Variants in NUDCD1 observed in about 807,000 individuals in gnomAD.
NUDCD1 encodes the protein nudC domain-containing protein 1.
In NUDCD1, 60 loss-of-function variants were observed where a neutral mutation model predicts 67.8. The ratio of observed to expected loss-of-function variants is 0.88; its 90% confidence interval spans 0.72 to 1.10. The LOEUF is 1.10. Ranked by LOEUF, NUDCD1 falls within the 50% of genes least tolerant of loss-of-function variation. NUDCD1 has a pLI of 0.00. For missense variants in NUDCD1, 643 were observed against 695.0 expected (o/e 0.93, Z 0.84); for synonymous variants, 244 against 230.8 (o/e 1.06, Z -0.52).
At chr8:109,299,261 A>G (rs542029098) in intron 2 of NUDCD1, among the ~76,000 whole-genome samples, 12 of 152,302 alleles carry the variant, frequency 7.9e-5, no homozygotes, top group South Asian at 6.2e-4. Context: ...CCCAGAACTC[A>G]GGGAAGGGTG....
intron 1 of NUDCD1, among the ~76,000 whole-genome samples, chr8:109,326,551 T>C (rs1815686709): frequency 6.6e-6 from 1 of 152,182 alleles, no homozygotes; most frequent in Non-Finnish European, 1.5e-5. Flanking sequence ...GAAGAAGAAC[T>C]TTTTACAGAG....
Position 109,245,436 on chromosome 8 carries a change from G to A in NUDCD1, c.1345C>T (p.Pro449Ser). ...NQYLFSVIVD[P>S]KEMPCFCLRH... ...AAACAGAAGCAGGGCATTTCTTTAG[G>A]ATCCACTATGACAGAGAAAAGGTAC... Residue 449 changes from proline (P) to serine (S), a missense_variant, in exon 9 of 10, where the codon CCT (proline) becomes TCT (serine). Pro to Ser is a moderately conservative substitution (Grantham distance 74). Transcript: ENST00000239690. 2.5e-6 allele frequency: 4 copies of A among 1,613,542 alleles called. No individual in the cohort carries two copies. Among genetic ancestry groups the A allele is most frequent in the Non-Finnish European group, 3.4e-6 (4 of 1,179,770 alleles).
chr8:109,325,836 T>C (rs1222890611), intron 1 of NUDCD1, among the ~76,000 whole-genome samples: 3 of 152,270 alleles, frequency 2.0e-5, no homozygotes, highest in East Asian at 3.9e-4. Flanking sequence ...GGAAAACAAA[T>C]TGGAATAAAG....
At chr8:109,292,391 T>G (rs562721309) in intron 4 of NUDCD1, among the ~76,000 whole-genome samples, 1 of 150,752 alleles carries the variant, frequency 6.6e-6, no homozygotes, top group Admixed American at 6.7e-5. Context: ...AGGAGACTTA[T>G]TCAGTTTATT....
In NUDCD1 at chr8:109,289,881, C is replaced by T; in HGVS notation, c.693G>A (p.Val231=). ...IKRDILRGKS[V]PHYAAIEPDG... ...CAGGCTCAATAGCAGCATAATGTGG[C>T]ACTGACTTTCCACGGAGAATATCAC... The change falls in exon 5 of 10, where the codon GTG becomes GTA. Residue 231 remains valine (V), a synonymous_variant. Coordinates refer to ENST00000239690, the MANE Select transcript of NUDCD1 (RefSeq NM_032869.4). 1.9e-6 allele frequency: 3 copies of T among 1,539,116 alleles called. No homozygotes were observed. Among genetic ancestry groups the T allele is most frequent in the South Asian group, 1.3e-5 (1 of 78,624 alleles).
At chr8:109,297,176 C>T (rs1021020233) in intron 2 of NUDCD1, among the ~76,000 whole-genome samples, 1 of 152,186 alleles carries the variant, frequency 6.6e-6, no homozygotes, top group African/African-American at 2.4e-5. Context: ...AGTTTTCATT[C>T]TCTTAATTTT....
At chr8:109,249,660 A>C (rs1813577740) in intron 8 of NUDCD1, among the ~76,000 whole-genome samples, 1 of 152,164 alleles carries the variant, frequency 6.6e-6, no homozygotes, top group Non-Finnish European at 1.5e-5. Context: ...TCTGCCCCTG[A>C]AAAGGGACAA....
rs144622279 is a variant in NUDCD1 at position 109,261,713 on chromosome 8, C to T, written c.1299+9292G>A. 5.6e-4 allele frequency among the ~76,000 whole-genome samples: 85 copies of T among 152,066 alleles called. 1 individual carries two copies. Among genetic ancestry groups the T allele is most frequent in the Middle Eastern group, 3.4e-3 (1 of 294 alleles). ...TTGATTCATTGTTTATTTTCATTTA[C>T]ATTAATGCTATTTAAACAATATATA... On this transcript the variant is annotated intron_variant, in intron 8 of 9. Transcript: ENST00000239690.
At chr8:109,328,342 G>C (rs1415283893) in intron 1 of NUDCD1, among the ~76,000 whole-genome samples, 1 of 152,140 alleles carries the variant, frequency 6.6e-6, no homozygotes, top group Admixed American at 6.5e-5. Flanking sequence ...AAAGGCCAGA[G>C]TACTTGTATG....
At position 109,275,601 on chromosome 8, in the gene NUDCD1, C is replaced by T. The variant is rs184865514; in HGVS notation, c.1029-105G>A. ...TCTATCTTCTATAGAAAGAACCCTC[C>T]GGTGTCCAGAGGATGGTTTACCAAA... On this transcript the variant is annotated intron_variant, in intron 6 of 9. Transcript: ENST00000239690. 2,062 of 1,076,312 alleles carry T rather than the reference C, an allele frequency of 1.9e-3. 15 individuals carry two copies. The highest frequency in any genetic ancestry group is 3.8e-3 in the South Asian group (223 of 58,480). The allele number at this position is 1,076,312 out of a possible 1,614,324, so 66.7% of individuals were successfully genotyped here.
chr8:109,309,682 T>C (rs921816946), intron 2 of NUDCD1, among the ~76,000 whole-genome samples: 2 of 152,148 alleles, frequency 1.3e-5, no homozygotes, highest in South Asian at 2.1e-4. Context: ...TGTTTACTGA[T>C]GATATAACTA....
chr8:109,305,200 A>G (rs112777917), intron 2 of NUDCD1, among the ~76,000 whole-genome samples: 14,893 of 152,160 alleles, frequency 0.098, 777 homozygotes, highest in Middle Eastern at 0.14. Flanking sequence ...CTTTACCCAC[A>G]TGCCCCGAGT....
At position 109,271,127 on chromosome 8, in the gene NUDCD1, G is replaced by T; in HGVS notation, c.1177C>A (p.Pro393Thr). The T allele has an allele frequency of 6.5e-7, 1 of 1,544,162 alleles. No homozygotes were observed. Among genetic ancestry groups the T allele is most frequent in the East Asian group, 2.3e-5 (1 of 44,120 alleles). The change falls in exon 8 of 10, where the codon CCA (proline) becomes ACA (threonine). Residue 393 changes from proline to threonine, a missense_variant. Physicochemically the swap from Pro to Thr is conservative, Grantham distance 38. Transcript: ENST00000239690. Reference protein sequence around the residue: ...LMHLTSEELNPNPDKEKPPCN... With the variant: ...LMHLTSEELNTNPDKEKPPCN... ...GGTGGTTTTTCTTTATCTGGATTTG[G>T]ATTCTTAGTCCAGAAAATAAAATAA...
chr8:109,314,204 CAA>C (rs1336939468), intron 2 of NUDCD1, among the ~76,000 whole-genome samples: 1 of 152,066 alleles, frequency 6.6e-6, no homozygotes, highest in Non-Finnish European at 1.5e-5. Flanking sequence ...TTTTTCCTCA[CAA>C]AAAGAGTTAA....
intron 1 of NUDCD1, among the ~76,000 whole-genome samples, chr8:109,329,014 A>G (rs939250712): frequency 1.2e-4 from 19 of 152,234 alleles, no homozygotes; most frequent in Admixed American, 3.9e-4. Context: ...TATGTTCAAC[A>G]TAAGTAAGTA....
At chr8:109,325,726 T>C (rs1360308108) in intron 1 of NUDCD1, among the ~76,000 whole-genome samples, 2 of 152,370 alleles carry the variant, frequency 1.3e-5, no homozygotes, top group East Asian at 3.9e-4. Flanking sequence ...GTATTTATTT[T>C]TGTTGACAAA....
intron 2 of NUDCD1, among the ~76,000 whole-genome samples, chr8:109,319,058 C>G (rs1334370121): frequency 5.3e-5 from 8 of 150,686 alleles, no homozygotes; most frequent in Non-Finnish European, 7.4e-5. Context: ...ACTGCAAGCT[C>G]TGCCTCCCAG....
chr8:109,302,838 C>A (rs1815020596), intron 2 of NUDCD1, among the ~76,000 whole-genome samples: 2 of 152,184 alleles, frequency 1.3e-5, no homozygotes, highest in South Asian at 4.1e-4. Flanking sequence ...TCTCAATATG[C>A]ATTTTATTAC....
At chr8:109,247,367 T>A (rs988209966) in intron 8 of NUDCD1, among the ~76,000 whole-genome samples, 2 of 152,168 alleles carry the variant, frequency 1.3e-5, no homozygotes. Context: ...AGGATTAATA[T>A]AATTGAATGA....
Sources: allele counts gnomAD v4.1 joint callset (sites outside exome capture counted in the v4.1 genomes callset), GRCh38; gene constraint gnomAD v4.1.1; transcripts MANE v1.5; gene names NCBI Gene and HGNC (gene_info 2026-07-23, HGNC 2026-07-21).